LSM7: variants seen among roughly 807,000 people sequenced by gnomAD.
LSM7 encodes U6 snRNA-associated Sm-like protein LSm7.
Under a neutral mutation model 14.1 loss-of-function variants are expected in LSM7, and 13 were observed. That is an observed-to-expected ratio of 0.92 (90% confidence interval 0.60 to 1.47). LSM7 has a LOEUF of 1.47. Among genes scored for constraint, LSM7 ranks in the 40% most tolerant of loss-of-function variants. LSM7 has a pLI of 0.00. For synonymous variants in LSM7, 70 were observed against 57.1 expected (o/e 1.23, Z -1.02); for missense variants, 108 against 140.8 (o/e 0.77, Z 1.18).
Position 2,321,603 on chromosome 19 carries a change from C to A in LSM7, c.*77G>T. The A allele has an allele frequency of 3.1e-6, 4 of 1,293,986 alleles. No homozygotes were observed. The highest frequency in any genetic ancestry group is 2.7e-4 in the Middle Eastern group (1 of 3,706). 80.2% of individuals were successfully genotyped at this position (1,293,986 alleles called of 1,614,324 possible). Reference sequence around the variant, plus strand: ...GCTTCCGTTCCAGGAGGCGGTACTGCGGTGGGAGCAGCAGCCAAGTCCGCG... The same window carrying A: ...GCTTCCGTTCCAGGAGGCGGTACTGAGGTGGGAGCAGCAGCCAAGTCCGCG... On this transcript the variant is annotated 3_prime_UTR_variant, in exon 4 of 4. Transcript: ENST00000252622. This position sits in a 1 kb window ranked among gnomAD's most constrained non-coding sequence, Gnocchi z 5.0.
rs186132843 is a variant in LSM7 at position 2,325,788 on chromosome 19, G to C, written c.98-1592C>G. Among the ~76,000 whole-genome samples, 105 of 152,380 alleles carry C rather than the reference G, an allele frequency of 6.9e-4. 2 individuals carry two copies. The highest frequency in any genetic ancestry group is 4.7e-3 in the Admixed American group (72 of 15,304). On this transcript the variant is annotated intron_variant, in intron 2 of 3. Transcript: ENST00000252622. ...CTGACCAGGGTGGCTCTCCTGCTCT[G>C]CTGGCATAGCTCAGTGGTTGTGACA...
chr19:2,328,326 C>G (rs1287994216), intron 2 of LSM7, 61 bp downstream of exon 2: 1 of 1,416,502 alleles, frequency 7.1e-7, no homozygotes, highest in Non-Finnish European at 9.9e-7. Context: ...CTCATCATCT[C>G]TGTTGCTGGG....
In LSM7 at chr19:2,321,646, G is replaced by A; in HGVS notation, c.*34C>T. On this transcript the variant is annotated 3_prime_UTR_variant, in exon 4 of 4. Coordinates refer to ENST00000252622, the MANE Select transcript of LSM7 (RefSeq NM_016199.3). This position sits in a 1 kb window ranked among gnomAD's most constrained non-coding sequence, Gnocchi z 5.0. ...AGTCCGCGGGAAACCGAGCTGCTCG[G>A]GCCTGCCCTGCACCCCCCGCGCCCC... The A allele has an allele frequency of 7.0e-7, 1 of 1,421,646 alleles. No homozygotes were observed. Among genetic ancestry groups the A allele is most frequent in the Non-Finnish European group, 9.2e-7 (1 of 1,082,242 alleles). The allele number at this position is 1,421,646 out of a possible 1,614,324, so 88.1% of individuals were successfully genotyped here. A position where few individuals can be genotyped will look rare whatever the true frequency, so the allele number is the denominator to read the frequency against.
At chr19:2,328,311 G>A (rs537716487) in intron 2 of LSM7, 76 bp downstream of exon 2, 3 of 1,201,374 alleles carry the variant, frequency 2.5e-6, no homozygotes, top group African/African-American at 3.1e-5. Context: ...GCTTCCGCAT[G>A]CGTCCTCATC....
In LSM7 at chr19:2,321,665, G is replaced by A. The variant is rs764377621; in HGVS notation, c.*15C>T. 15 of 1,487,792 alleles carry A rather than the reference G, an allele frequency of 1.0e-5. No individual in the cohort carries two copies. The highest frequency in any genetic ancestry group is 8.5e-5 in the African/African-American group (6 of 70,972). The allele number at this position is 1,487,792 out of a possible 1,614,324, so 92.2% of individuals were successfully genotyped here. ...TGCTCGGGCCTGCCCTGCACCCCCCGCGCCCCCGGCCAGGCTAGGCGTCCT... is the reference window on the plus strand; with the variant it reads ...TGCTCGGGCCTGCCCTGCACCCCCCACGCCCCCGGCCAGGCTAGGCGTCCT... On this transcript the variant is annotated 3_prime_UTR_variant, in exon 4 of 4. Transcript: ENST00000252622. This position sits in a 1 kb window ranked among gnomAD's most constrained non-coding sequence, Gnocchi z 5.0.
intron 2 of LSM7, 145 bp downstream of exon 2, chr19:2,328,242 C>G: frequency 1.4e-6 from 1 of 715,582 alleles, no homozygotes; most frequent in Non-Finnish European, 2.2e-6. Context: ...TGCACTCCAG[C>G]CCGGGTGACA....
At chr19:2,325,887 A>C (rs1027348542) in intron 2 of LSM7, 5 of 152,296 alleles carry the variant, frequency 3.3e-5, no homozygotes, top group African/African-American at 1.2e-4. Flanking sequence ...CCGCCTGCAT[A>C]CAAGCTTCCG....
intron 2 of LSM7, among the ~76,000 whole-genome samples, chr19:2,325,295 C>G (rs1967997284): frequency 6.6e-6 from 1 of 152,076 alleles, no homozygotes; most frequent in Non-Finnish European, 1.5e-5. Context: ...CCAGCCCACC[C>G]TCTCTGCCTG....
At chr19:2,327,468 C>T (rs1395771844) in intron 2 of LSM7, among the ~76,000 whole-genome samples, 1 of 152,108 alleles carries the variant, frequency 6.6e-6, no homozygotes, top group Non-Finnish European at 1.5e-5. Context: ...GTCTTGATCT[C>T]CTGACCTCCT....
intron 2 of LSM7, among the ~76,000 whole-genome samples, chr19:2,325,624 T>A (rs1362131542): frequency 6.6e-6 from 1 of 151,488 alleles, no homozygotes; most frequent in Non-Finnish European, 1.5e-5. Flanking sequence ...CCACGGCTGC[T>A]CCACACACAC....
intron 2 of LSM7, among the ~76,000 whole-genome samples, chr19:2,325,736 C>G (rs1968004422): frequency 6.6e-6 from 1 of 152,246 alleles, no homozygotes; most frequent in Non-Finnish European, 1.5e-5. Context: ...TCTCGCTGGC[C>G]CACCACCACA....
At position 2,324,118 on chromosome 19, in the gene LSM7, C is replaced by T; in HGVS notation, c.169+7G>A. On this transcript the variant is annotated splice_region_variant and intron_variant, in intron 3 of 3. Coordinates refer to ENST00000252622, the MANE Select transcript of LSM7 (RefSeq NM_016199.3). ...CCGCTGCCTGCCTCGGCCGCCACCC[C>T]ACTCACCTCGCATGTACTCAATGGT... 1 of 1,561,804 alleles carries T rather than the reference C, an allele frequency of 6.4e-7. No homozygotes were observed. Among genetic ancestry groups the T allele is most frequent in the South Asian group, 1.2e-5 (1 of 84,816 alleles).
At chr19:2,323,102 G>A (rs955803382) in intron 3 of LSM7, among the ~76,000 whole-genome samples, 1 of 152,162 alleles carries the variant, frequency 6.6e-6, no homozygotes, top group African/African-American at 2.4e-5. Context: ...CCCAGTGCCC[G>A]GGCCGGGATG....
At chr19:2,323,142 G>A (rs1191400275) in intron 3 of LSM7, among the ~76,000 whole-genome samples, 2 of 152,222 alleles carry the variant, frequency 1.3e-5, no homozygotes, top group Non-Finnish European at 2.9e-5. Flanking sequence ...CTTGCCGCAG[G>A]AGCTTCTGGG....
At chr19:2,324,035 C>T in intron 3 of LSM7, 90 bp downstream of exon 3, 1 of 880,992 alleles carries the variant, frequency 1.1e-6, no homozygotes, top group Non-Finnish European at 1.7e-6. Flanking sequence ...CGGCTGCCCC[C>T]CTCGTCCCAC....
chr19:2,325,518 A>G (rs73520540), intron 2 of LSM7, among the ~76,000 whole-genome samples: 2,268 of 151,932 alleles, frequency 0.015, 58 homozygotes, highest in African/African-American at 0.051. Flanking sequence ...AGGCACCACC[A>G]ATCTCGGGAA....
In LSM7 at chr19:2,328,482, G is replaced by C. The variant is rs372166914; in HGVS notation, c.7-5C>G. 639 of 1,613,426 alleles carry C rather than the reference G, an allele frequency of 4.0e-4. 2 individuals are homozygous for C. Among genetic ancestry groups the C allele is most frequent in the Non-Finnish European group, 5.3e-4 (620 of 1,179,766 alleles). The stretch of plus-strand genomic sequence containing the variant: ...CTTTTTCTTCTTCTCCTTATCCTGC[G>C]GGGAAAGCAGAGCGCATGAGACCTG... On this transcript the variant is annotated splice_polypyrimidine_tract_variant and splice_region_variant and intron_variant, in intron 1 of 3. Coordinates refer to ENST00000252622, the MANE Select transcript of LSM7 (RefSeq NM_016199.3).
intron 2 of LSM7, chr19:2,324,721 C>T (rs569515635): frequency 2.2e-4 from 35 of 161,272 alleles, no homozygotes; most frequent in African/African-American, 7.2e-4. Flanking sequence ...GGCCACAGCG[C>T]GGATGCGCCT....
chr19:2,324,037 T>A, intron 3 of LSM7, 88 bp downstream of exon 3: 1 of 316,520 alleles, frequency 3.2e-6, no homozygotes, highest in Non-Finnish European at 5.3e-6. Context: ...GCTGCCCCCC[T>A]CGTCCCACTG....
Sources: gnomAD v4.1 joint callset for allele counts (sites outside exome capture counted in the v4.1 genomes callset) on GRCh38, gnomAD v4.1.1 for gene constraint, Gnocchi (gnomAD v3.1) non-coding constraint, MANE v1.5 for transcripts, NCBI Gene and HGNC (gene_info 2026-07-23, HGNC 2026-07-21) for gene names.